Variants in NRXN1 observed in about 807,000 individuals in gnomAD.
The protein encoded by NRXN1 is neurexin 1.
In NRXN1, 39 loss-of-function variants were observed where a neutral mutation model predicts 150.9. The ratio of observed to expected loss-of-function variants is 0.26; its 90% CI spans 0.20 to 0.34. The LOEUF is 0.34. Ranked by LOEUF, NRXN1 falls within the 10% of genes least tolerant of loss-of-function variation. The pLI is 1.00. For synonymous variants in NRXN1, 924 were observed against 757.0 expected, an observed-to-expected ratio of 1.22 and a Z score of -3.62; for missense variants, 1,815 against 1,949.9, an observed-to-expected ratio of 0.93 and a Z score of 1.30.
chr2:50,710,305 C>T (rs913612782), intron 5 of NRXN1, among the ~76,000 whole-genome samples: 1 of 152,162 alleles, frequency 6.6e-6, no homozygotes, highest in African/African-American at 2.4e-5. Flanking sequence ...TAAAAACTCA[C>T]ATCTTACTCA....
intron 21 of NRXN1, among the ~76,000 whole-genome samples, chr2:50,048,155 C>G (rs369089667): frequency 3.9e-4 from 59 of 152,238 alleles, no homozygotes; most frequent in African/African-American, 1.3e-3. Context: ...TTTAAAATTA[C>G]AATACATTAC....
intron 17 of NRXN1, among the ~76,000 whole-genome samples, chr2:50,239,313 C>T (rs917340373): frequency 1.3e-5 from 2 of 151,168 alleles, no homozygotes; most frequent in Admixed American, 6.6e-5. Context: ...TTTAAATTGG[C>T]TTTGTTCTCT....
In NRXN1 at chr2:50,567,724, T is replaced by G. The variant is rs551475248; in HGVS notation, c.1321-14699A>C. On this transcript the variant is annotated intron_variant, in intron 8 of 22. Transcript: ENST00000401669. ...GCAAGTAACTAGAATAGTGTGGGGG[T>G]AAATTTCATCATTAGATATCATTAA... is the stretch of plus-strand genomic sequence containing the variant. Among the ~76,000 whole-genome samples the G allele has an allele frequency of 7.9e-5, 12 of 152,268 alleles. No homozygotes were observed. The South Asian group carries it at 2.5e-3, about 32-fold the overall frequency.
At chr2:50,712,206 C>T (rs1039547175) in intron 5 of NRXN1, among the ~76,000 whole-genome samples, 5 of 152,082 alleles carry the variant, frequency 3.3e-5, no homozygotes, top group African/African-American at 1.2e-4. Flanking sequence ...GTTTAATAAA[C>T]TGTTCAACAC....
At chr2:50,295,482 CAA>C (rs763635256) in intron 17 of NRXN1, among the ~76,000 whole-genome samples, 1 of 151,436 alleles carries the variant, frequency 6.6e-6, no homozygotes, top group East Asian at 1.9e-4. Flanking sequence ...CCATCTTTAG[CAA>C]AAAAAATCAT....
rs1667728821 is a variant in NRXN1, at chr2:50,552,837, G to A, written c.1509C>T (p.Ser503=). The A allele has an allele frequency of 2.5e-6, 4 of 1,613,818 alleles. No homozygotes were observed. The highest frequency in any genetic ancestry group is 3.3e-5 in the Admixed American group (2 of 59,994). Residue 503 remains serine, a synonymous_variant, in exon 9 of 23, where the codon TCC becomes TCT. Transcript: ENST00000401669. ...LPKWNAKKTG[S]ISFDFRTTEP... is the part of the protein sequence containing the mutation. ...CTGTTGTACGGAAATCAAATGATAT[G>A]GAGCCAGTTTTCTTTGCATTCCATT...
In NRXN1 at chr2:50,026,859, C is replaced by CTTTTTTTTTTTTTTT. The variant is rs57580154; in HGVS notation, c.4128+26397_4128+26411dup. Among the ~76,000 whole-genome samples the CTTTTTTTTTTTTTTT allele has an allele frequency of 4.8e-4, 31 of 65,242 alleles. 8 individuals carry two copies. Among genetic ancestry groups the CTTTTTTTTTTTTTTT allele is most frequent in the African/African-American group, 7.7e-4 (12 of 15,542 alleles). 42.8% of individuals were successfully genotyped at this position (65,242 alleles called of 152,430 possible). A position where few individuals can be genotyped will look rare whatever the true frequency, so the allele number is the denominator to read the frequency against. On this transcript the variant is annotated intron_variant, in intron 21 of 22. Transcript: ENST00000401669. ...TTGCATTGTTTAAGTCTTTTCTTTT[C>CTTTTTTTTTTTTTTT]TTTTTTTTTTTTTTTTTTTTTTTTT...
intron 18 of NRXN1, among the ~76,000 whole-genome samples, chr2:50,107,539 A>ATATATATATATATATATATT (rs59921941): frequency 7.7e-6 from 1 of 129,882 alleles, no homozygotes; most frequent in African/African-American, 2.9e-5. Flanking sequence ...ATATATATAT[A>ATATATATATATATATATATT]TTTTTTTTTT....
intron 18 of NRXN1, among the ~76,000 whole-genome samples, chr2:50,095,907 G>T (rs983827926): frequency 1.3e-5 from 2 of 151,338 alleles, no homozygotes; most frequent in African/African-American, 2.4e-5. Flanking sequence ...ATTGACATTA[G>T]GTGTATCTCC....
Position 50,263,474 on chromosome 2 carries a change from T to G in NRXN1, c.3365-26504A>C, listed in dbSNP as rs553743773. The stretch of plus-strand genomic sequence containing the variant: ...TTTTTATATAGGTAGCTATTAGGTC[T>G]TCAAACACATATGAACAATTCTGAT... On this transcript the variant is annotated intron_variant, in intron 17 of 22. Coordinates refer to ENST00000401669, the MANE Select transcript of NRXN1 (RefSeq NM_001330078.2). Among the ~76,000 whole-genome samples, 43 of 152,168 alleles carry G rather than the reference T, an allele frequency of 2.8e-4. 1 individual carries two copies. The highest frequency in any genetic ancestry group is 1.0e-3 in the African/African-American group (42 of 41,544).
rs2078281679 is a variant in NRXN1 at position 50,349,779 on chromosome 2, T to C, written c.3365-112809A>G. On this transcript the variant is annotated intron_variant, in intron 17 of 22. Transcript: ENST00000401669. ...TCTCTTCTCTCATACAGGTCTAACA[T>C]ATTCAAGCTGATCACCATGCACAAT... Among the ~76,000 whole-genome samples the C allele has an allele frequency of 3.3e-5, 5 of 152,222 alleles. No homozygotes were observed. In the South Asian group the frequency reaches 8.3e-4, roughly 25 times the overall value.
intron 17 of NRXN1, among the ~76,000 whole-genome samples, chr2:50,369,415 G>C (rs568208025): frequency 5.3e-5 from 8 of 152,016 alleles, no homozygotes; most frequent in African/African-American, 1.9e-4. Context: ...AGTTTTCTCA[G>C]CAATAATTCT....
chr2:50,110,158 C>G (rs1318275934), intron 18 of NRXN1, among the ~76,000 whole-genome samples: 1 of 152,038 alleles, frequency 6.6e-6, no homozygotes, highest in Non-Finnish European at 1.5e-5. Flanking sequence ...ATAGCCATAA[C>G]CAAGAGAACA....
intron 13 of NRXN1, among the ~76,000 whole-genome samples, chr2:50,503,899 G>T (rs1284822589): frequency 2.0e-5 from 3 of 152,012 alleles, no homozygotes; most frequent in Non-Finnish European, 2.9e-5. Context: ...AAAGACATGG[G>T]CAGCGTATGC....
Position 50,692,363 on chromosome 2 carries a change from T to C in NRXN1, c.833-68748A>G, listed in dbSNP as rs571864333. ...TTTGTGATAACACACTAACATGCTA[T>C]GTGTTGTATGTTAGCAGTAATATTA... On this transcript the variant is annotated intron_variant, in intron 5 of 22. Coordinates refer to ENST00000401669, the MANE Select transcript of NRXN1 (RefSeq NM_001330078.2). 9.8e-5 allele frequency among the ~76,000 whole-genome samples: 15 copies of C among 152,350 alleles called. No individual in the cohort carries two copies. The South Asian group carries it at 1.5e-3, about 15-fold the overall frequency.
chr2:50,169,953 C>A (rs1420469987), intron 18 of NRXN1, among the ~76,000 whole-genome samples: 1 of 151,980 alleles, frequency 6.6e-6, no homozygotes, highest in Non-Finnish European at 1.5e-5. Flanking sequence ...CTTAGTATCA[C>A]ACCAAGAACT....
At chr2:50,941,389 CAGA>C (rs1689422107) in intron 2 of NRXN1, among the ~76,000 whole-genome samples, 1 of 152,104 alleles carries the variant, frequency 6.6e-6, no homozygotes, top group South Asian at 2.1e-4. Context: ...TTGGAAGACT[CAGA>C]AGAAGACAGG....
chr2:50,013,348 C>A (rs1686026328), intron 21 of NRXN1, among the ~76,000 whole-genome samples: 1 of 145,842 alleles, frequency 6.9e-6, no homozygotes, highest in Non-Finnish European at 1.5e-5. Flanking sequence ...TCTCAGCATT[C>A]TGTACAAATG....
intron 5 of NRXN1, among the ~76,000 whole-genome samples, chr2:50,750,135 T>C (rs1250473922): frequency 6.6e-6 from 1 of 152,000 alleles, no homozygotes; most frequent in Non-Finnish European, 1.5e-5. Flanking sequence ...GTAAGTTTTA[T>C]ACAAACTAAA....
Sources: gnomAD v4.1 joint callset for allele counts (sites outside exome capture counted in the v4.1 genomes callset) on GRCh38, gnomAD v4.1.1 for gene constraint, MANE v1.5 for transcripts, NCBI Gene and HGNC (gene_info 2026-07-23, HGNC 2026-07-21) for gene names.